CACNB2: variants seen among roughly 807,000 people sequenced by gnomAD.
CACNB2 encodes calcium voltage-gated channel auxiliary subunit beta 2.
Under a neutral mutation model 73.3 loss-of-function variants are expected in CACNB2, and 42 were observed. The observed-to-expected ratio is 0.57, with a 90% CI of 0.45 to 0.74. CACNB2 has a LOEUF of 0.74. Among genes scored for constraint, CACNB2 ranks in the 30% least tolerant of loss-of-function variants. The pLI, the probability that CACNB2 is intolerant of heterozygous loss-of-function variation, is 0.00. For missense variants in CACNB2, 940 were observed against 853.0 expected, an observed-to-expected ratio of 1.10 and a Z score of -1.27; for synonymous variants, 348 against 310.3, an observed-to-expected ratio of 1.12 and a Z score of -1.28.
intron 2 of CACNB2, among the ~76,000 whole-genome samples, chr10:18,181,561 T>TA (rs1245986298): frequency 8.9e-5 from 13 of 146,482 alleles, no homozygotes; most frequent in East Asian, 6.0e-4. Context: ...TGAGGATAAC[T>TA]TTTTTATTTT....
At chr10:18,220,154 TACACACACACACACACACATAC>T (rs2035689596) in intron 2 of CACNB2, among the ~76,000 whole-genome samples, 4 of 33,632 alleles carry the variant, frequency 1.2e-4, no homozygotes, top group Non-Finnish European at 1.9e-4. Context: ...TATATATATA[TACACACACACACACACACATAC>T]ATATATATAC....
intron 10 of CACNB2, among the ~76,000 whole-genome samples, chr10:18,532,494 G>A (rs751790796): frequency 1.3e-5 from 2 of 151,872 alleles, no homozygotes; most frequent in African/African-American, 4.8e-5. Context: ...CCAACATGGT[G>A]AAACGCCATC....
intron 2 of CACNB2, among the ~76,000 whole-genome samples, chr10:18,280,909 T>G (rs2038517301): frequency 6.6e-6 from 1 of 152,170 alleles, no homozygotes; most frequent in Admixed American, 6.5e-5. Context: ...CTATACTACA[T>G]GCTTTGCACA....
At chr10:18,245,766 G>C (rs553722397) in intron 2 of CACNB2, among the ~76,000 whole-genome samples, 1 of 152,092 alleles carries the variant, frequency 6.6e-6, no homozygotes, top group East Asian at 1.9e-4. Flanking sequence ...CTCCAGCAAG[G>C]TATAGTCTAG....
chr10:18,258,033 C>T (rs2037357657), intron 2 of CACNB2, among the ~76,000 whole-genome samples: 1 of 152,150 alleles, frequency 6.6e-6, no homozygotes, highest in Admixed American at 6.5e-5. Flanking sequence ...CGTGAGCCAC[C>T]CCGCCCAGCC....
intron 2 of CACNB2, among the ~76,000 whole-genome samples, chr10:18,218,078 T>C (rs927028179): frequency 6.6e-6 from 1 of 152,192 alleles, no homozygotes; most frequent in African/African-American, 2.4e-5. Context: ...AACTGAATTC[T>C]AACAGATGGT....
At chr10:18,363,117 C>G (rs1306755188) in intron 2 of CACNB2, among the ~76,000 whole-genome samples, 1 of 152,176 alleles carries the variant, frequency 6.6e-6, no homozygotes, top group African/African-American at 2.4e-5. Flanking sequence ...GCTCACACAT[C>G]TCAGAAGCTC....
intron 3 of CACNB2, among the ~76,000 whole-genome samples, chr10:18,479,813 C>G (rs10764523): frequency 0.29 from 43,925 of 152,056 alleles, 6,393 homozygotes; most frequent in Non-Finnish European, 0.3. Context: ...GCCTGAGGAA[C>G]TGAATCAACT....
chr10:18,320,198 C>T (rs937891056), intron 2 of CACNB2, among the ~76,000 whole-genome samples: 4 of 152,102 alleles, frequency 2.6e-5, no homozygotes, highest in African/African-American at 9.7e-5. Context: ...CTCTGTTGAC[C>T]CTTTTATACC....
chr10:18,312,874 C>T (rs150804920), intron 2 of CACNB2, among the ~76,000 whole-genome samples: 16 of 152,094 alleles, frequency 1.1e-4, no homozygotes, highest in African/African-American at 3.4e-4. Context: ...ACTTTTTTAG[C>T]CACATTTCAA....
intron 3 of CACNB2, among the ~76,000 whole-genome samples, chr10:18,451,499 A>G (rs147826768): frequency 2.3e-4 from 35 of 152,348 alleles, no homozygotes; most frequent in African/African-American, 7.7e-4. Flanking sequence ...CTAGGTTGCG[A>G]CAGAATTTGT....
At position 18,140,709 on chromosome 10, in the gene CACNB2, T is replaced by G. The variant is rs764866499; in HGVS notation, c.-28T>G. On this transcript the variant is annotated 5_prime_UTR_variant, in exon 1 of 14. Transcript: ENST00000324631. ...AGGGGACCCGCCGCCGGGGGCTGGC[T>G]GCTTCGCTCCGAGCCGACTTTTCGC... 5 of 1,577,894 alleles carry G rather than the reference T, an allele frequency of 3.2e-6. No individual in the cohort carries two copies. The highest frequency in any genetic ancestry group is 4.3e-6 in the Non-Finnish European group (5 of 1,161,576).
Position 18,415,950 on chromosome 10 carries a change from C to G in CACNB2, c.333+13907C>G, listed in dbSNP as rs932868230. Reference sequence around the variant, plus strand: ...TGCTACAATTTTTTTTTTATTTGCTCAAATTTATGGGGTAGCTAAGACATT... The same window carrying G: ...TGCTACAATTTTTTTTTTATTTGCTGAAATTTATGGGGTAGCTAAGACATT... On this transcript the variant is annotated intron_variant, in intron 3 of 13. Coordinates refer to ENST00000324631, the MANE Select transcript of CACNB2 (RefSeq NM_201596.3). Among the ~76,000 whole-genome samples, 4 of 151,996 alleles carry G rather than the reference C, an allele frequency of 2.6e-5. No individual in the cohort carries two copies. In the South Asian group the frequency reaches 8.3e-4, roughly 32 times the overall value.
intron 2 of CACNB2, among the ~76,000 whole-genome samples, chr10:18,227,782 G>A (rs2036054541): frequency 6.6e-6 from 1 of 152,194 alleles, no homozygotes; most frequent in South Asian, 2.1e-4. Flanking sequence ...AATTTGTGCA[G>A]TGACGTTAAG....
Position 18,405,432 on chromosome 10 carries a change from G to A in CACNB2, c.333+3389G>A, listed in dbSNP as rs578192082. Among the ~76,000 whole-genome samples, 6 of 152,262 alleles carry A rather than the reference G, an allele frequency of 3.9e-5. No individual in the cohort carries two copies. In the South Asian group the frequency reaches 6.2e-4, roughly 16 times the overall value. On this transcript the variant is annotated intron_variant, in intron 3 of 13. Transcript: ENST00000324631. ...TGTTTTCACCATTTAGGTATTGTGCGTAATGCTGTTACGAACATTCCTGTA... is the reference window on the plus strand; with the variant it reads ...TGTTTTCACCATTTAGGTATTGTGCATAATGCTGTTACGAACATTCCTGTA...
intron 3 of CACNB2, among the ~76,000 whole-genome samples, chr10:18,439,234 G>C (rs2046299007): frequency 6.6e-6 from 1 of 152,208 alleles, no homozygotes; most frequent in African/African-American, 2.4e-5. Flanking sequence ...TTGCAGGAAG[G>C]TGACTAGGAA....
chr10:18,502,707 A>C (rs1037910722), intron 5 of CACNB2, among the ~76,000 whole-genome samples: 105 of 132,572 alleles, frequency 7.9e-4, no homozygotes, highest in African/African-American at 1.9e-3. Context: ...AAAAAAAAAA[A>C]AAAAAAAAAA....
intron 2 of CACNB2, among the ~76,000 whole-genome samples, chr10:18,216,596 GT>G (rs34093563): frequency 0.67 from 101,153 of 151,772 alleles, 35,354 homozygotes; most frequent in Non-Finnish European, 0.79. Context: ...TAAAACACTT[GT>G]TTTTCTTTCT....
In CACNB2 at chr10:18,457,780, C is replaced by T. The variant is rs374762345; in HGVS notation, c.334-40575C>T. On this transcript the variant is annotated intron_variant, in intron 3 of 13. Transcript: ENST00000324631. The stretch of plus-strand genomic sequence containing the variant: ...TGGCACATGCCTGAAATCCCAGCTA[C>T]GTGGGAGGCTGAGGCAGGAGAATCA... Among the ~76,000 whole-genome samples, 13 of 152,072 alleles carry T rather than the reference C, an allele frequency of 8.5e-5. No homozygotes were observed. In the South Asian group the frequency reaches 1.2e-3, roughly 15 times the overall value.
Sources: allele counts gnomAD v4.1 joint callset (sites outside exome capture counted in the v4.1 genomes callset), GRCh38; gene constraint gnomAD v4.1.1; transcripts MANE v1.5; gene names NCBI Gene and HGNC (gene_info 2026-07-23, HGNC 2026-07-21).